Variants in BRAP observed in about 807,000 individuals in gnomAD.
BRAP encodes BRCA1-associated protein.
Under a neutral mutation model 73.4 loss-of-function variants are expected in BRAP, and 42 were observed. The observed-to-expected ratio is 0.57, with a 90% CI of 0.45 to 0.74. The LOEUF is 0.74. Ranked by LOEUF, BRAP falls within the 30% of genes least tolerant of loss-of-function variation. The probability of loss-of-function intolerance (pLI) is 0.00; values close to 1 mark genes in which losing one functional copy is unlikely to be tolerated. For missense variants in BRAP, 593 were observed against 751.4 expected (o/e 0.79, Z 2.46); for synonymous variants, 255 against 267.4 (o/e 0.95, Z 0.45).
At chr12:111,667,706 A>AAAAAAAAAAAAAAAAAAAAAC (rs1381256040) in intron 5 of BRAP, among the ~76,000 whole-genome samples, 1 of 142,102 alleles carries the variant, frequency 7.0e-6, no homozygotes, top group African/African-American at 2.9e-5. Context: ...CTCAAAAAAA[A>AAAAAAAAAAAAAAAAAAAAAC]AAAAAAAAAA....
At chr12:111,662,518 C>A (rs1481521515) in intron 6 of BRAP, among the ~76,000 whole-genome samples, 2 of 151,882 alleles carry the variant, frequency 1.3e-5, no homozygotes, top group African/African-American at 4.8e-5. Flanking sequence ...CCATTGCACT[C>A]CAGCCTGGGC....
rs776416851 is a variant in BRAP, at chr12:111,658,697, G to A, written c.1221+39C>T. The A allele has an allele frequency of 3.6e-6, 5 of 1,372,574 alleles. No individual in the cohort carries two copies. The Admixed American group carries it at 5.7e-5, about 16-fold the overall frequency. 85.0% of individuals were successfully genotyped at this position (1,372,574 alleles called of 1,614,324 possible). Reference sequence around the variant, plus strand: ...TTTCAAATTAGAATAGTAAAGAGCAGTAGAAACAGATAGAGTGATAACTCA... The same window carrying A: ...TTTCAAATTAGAATAGTAAAGAGCAATAGAAACAGATAGAGTGATAACTCA... On this transcript the variant is annotated intron_variant, in intron 9 of 11. Coordinates refer to ENST00000419234, the MANE Select transcript of BRAP (RefSeq NM_006768.5).
intron 10 of BRAP, 25 bp from the exon 11 acceptor site, chr12:111,650,067 T>C: frequency 2.7e-6 from 4 of 1,497,294 alleles, no homozygotes; most frequent in Non-Finnish European, 3.7e-6. Context: ...AGAAATCAGA[T>C]TCATTTCACA....
intron 3 of BRAP, among the ~76,000 whole-genome samples, chr12:111,680,650 C>G (rs1193681690): frequency 1.3e-5 from 2 of 151,822 alleles, no homozygotes; most frequent in African/African-American, 4.8e-5. Context: ...CAGGATTGCA[C>G]CACTGCACTC....
intron 5 of BRAP, among the ~76,000 whole-genome samples, chr12:111,667,302 G>C (rs961463324): frequency 6.6e-6 from 1 of 152,152 alleles, no homozygotes; most frequent in African/African-American, 2.4e-5. Context: ...AAAACAGTCT[G>C]AAGCTGCCTC....
At position 111,685,694 on chromosome 12, in the gene BRAP, G is replaced by C. The variant is rs1322305465; in HGVS notation, c.82+17C>G. The C allele has an allele frequency of 3.1e-6, 5 of 1,597,704 alleles. No individual in the cohort carries two copies. Among genetic ancestry groups the C allele is most frequent in the East Asian group, 4.5e-5 (2 of 44,178 alleles). ...CAGACCCGGCTACAGGGAATGCGGC[G>C]AGGCCGCGGGACTCACCCGCGGCGC... On this transcript the variant is annotated intron_variant, in intron 1 of 11. Transcript: ENST00000419234.
At position 111,665,027 on chromosome 12, in the gene BRAP, C is replaced by T. The variant is rs1224803017; in HGVS notation, c.896+612G>A. On this transcript the variant is annotated intron_variant, in intron 6 of 11. Transcript: ENST00000419234. This position sits in a 1 kb window ranked among gnomAD's most constrained non-coding sequence, Gnocchi z 4.3. ...ATCCAGAAGGCCAGCATCTGATACA[C>T]CTTTCTGGTTAAGTCCCACAGTGCA... Among the ~76,000 whole-genome samples, 2 of 152,184 alleles carry T rather than the reference C, an allele frequency of 1.3e-5. No individual in the cohort carries two copies. Among genetic ancestry groups the T allele is most frequent in the East Asian group, 3.8e-4 (2 of 5,202 alleles).
At chr12:111,671,243 C>A (rs1457601090) in intron 5 of BRAP, among the ~76,000 whole-genome samples, 1 of 152,050 alleles carries the variant, frequency 6.6e-6, no homozygotes, top group Non-Finnish European at 1.5e-5. Context: ...AGAGCCATCA[C>A]AAATTGCTAT....
In BRAP at chr12:111,644,018, C is replaced by T; in HGVS notation, c.*181G>A. 1 of 970,624 alleles carries T rather than the reference C, an allele frequency of 1.0e-6. No homozygotes were observed. Among genetic ancestry groups the T allele is most frequent in the South Asian group, 1.9e-5 (1 of 53,698 alleles). 60.1% of individuals were successfully genotyped at this position (970,624 alleles called of 1,614,324 possible). On this transcript the variant is annotated 3_prime_UTR_variant, in exon 12 of 12. Coordinates refer to ENST00000419234, the MANE Select transcript of BRAP (RefSeq NM_006768.5). ...TTCGAACGCAGCGCCTTTCTATCAG[C>T]TCTCCAGTCAGCACCCTTTACATTC... is the stretch of plus-strand genomic sequence containing the variant.
Position 111,665,540 on chromosome 12 carries a change from T to A in BRAP, c.896+99A>T. On this transcript the variant is annotated intron_variant, in intron 6 of 11. Coordinates refer to ENST00000419234, the MANE Select transcript of BRAP (RefSeq NM_006768.5). The surrounding 1 kb of genome is among the most constrained non-coding windows in gnomAD (Gnocchi z 4.3). ...GAGAAAAAGGACCTCTTGAATAAAG[T>A]CAAATACTTGGAATGGTTCATTTCT... 1 of 1,496,598 alleles carries A rather than the reference T, an allele frequency of 6.7e-7. No homozygotes were observed. Among genetic ancestry groups the A allele is most frequent in the Non-Finnish European group, 9.1e-7 (1 of 1,103,062 alleles). The allele number at this position is 1,496,598 out of a possible 1,614,324, so 92.7% of individuals were successfully genotyped here.
In BRAP at chr12:111,684,280, T is replaced by G. The variant is rs138306306; in HGVS notation, c.83-973A>C. ...AATAAATGACTACATGACTGACCCATGCAGATGTCTATATGCGGCTAATAT... is the reference window on the plus strand; with the variant it reads ...AATAAATGACTACATGACTGACCCAGGCAGATGTCTATATGCGGCTAATAT... On this transcript the variant is annotated intron_variant, in intron 1 of 11. Transcript: ENST00000419234. Among the ~76,000 whole-genome samples the G allele has an allele frequency of 4.3e-4, 66 of 152,322 alleles. 1 individual carries two copies. Among genetic ancestry groups the G allele is most frequent in the Middle Eastern group, 3.4e-3 (1 of 294 alleles).
intron 1 of BRAP, chr12:111,685,448 A>C: frequency 1.3e-3 from 712 of 566,644 alleles, no homozygotes; most frequent in Non-Finnish European, 1.6e-3. Flanking sequence ...CCACTCGACT[A>C]TCTCGAGAGG....
At chr12:111,644,711 C>A in intron 11 of BRAP, 149 bp from the exon 12 acceptor site, 1 of 1,273,362 alleles carries the variant, frequency 7.9e-7, no homozygotes, top group Non-Finnish European at 1.1e-6. Context: ...TGGTTTTCTG[C>A]CATCGCAATC....
chr12:111,655,517 T>C (rs760452197), intron 10 of BRAP, 49 bp downstream of exon 10: 1 of 1,460,508 alleles, frequency 6.8e-7, no homozygotes, highest in South Asian at 1.1e-5. Context: ...CCCATCAGAG[T>C]GCCCTGCCAT....
chr12:111,667,778 A>C (rs191153897), intron 5 of BRAP, among the ~76,000 whole-genome samples: 1 of 151,592 alleles, frequency 6.6e-6, no homozygotes. Context: ...CAAATCTCAC[A>C]AAGTATATGT....
rs1887228426 is a variant in BRAP, at chr12:111,672,754, A to G, written c.654T>C (p.Tyr218=). 1 of 1,614,124 alleles carries G rather than the reference A, an allele frequency of 6.2e-7. No individual in the cohort carries two copies. Among genetic ancestry groups the G allele is most frequent in the South Asian group, 1.1e-5 (1 of 91,076 alleles). Residue 218 remains tyrosine (Y), a synonymous_variant, in exon 5 of 12, where the codon TAT becomes TAC. Coordinates refer to ENST00000419234, the MANE Select transcript of BRAP (RefSeq NM_006768.5). ...FRAQADADSF[Y]MTCNGRQFNS... is the part of the protein sequence containing the mutation. ...TGAACTGGCGGCCATTGCATGTCAT[A>G]TAAAAACTATCCGCATCAGCCTATG...
chr12:111,660,796 C>G, intron 6 of BRAP, 121 bp from the exon 7 acceptor site: 1 of 629,594 alleles, frequency 1.6e-6, no homozygotes, highest in Non-Finnish European at 2.6e-6. Flanking sequence ...TTTATCATAA[C>G]TAAGGATATC....
At chr12:111,662,363 C>CA (rs989623425) in intron 6 of BRAP, among the ~76,000 whole-genome samples, 2 of 151,974 alleles carry the variant, frequency 1.3e-5, no homozygotes, top group Non-Finnish European at 2.9e-5. Flanking sequence ...CCAGCTTGAC[C>CA]AATATGGAGA....
chr12:111,658,411 T>TTCCCGGGTTCAAGCGATTCTCC (rs1886612732), intron 9 of BRAP, among the ~76,000 whole-genome samples: 1 of 151,622 alleles, frequency 6.6e-6, no homozygotes, highest in African/African-American at 2.4e-5. Context: ...AGCGATTCTC[T>TTCCCGGGTTCAAGCGATTCTCC]GCTTCCCGGG....
Sources: gnomAD v4.1 joint callset for allele counts (sites outside exome capture counted in the v4.1 genomes callset) on GRCh38, gnomAD v4.1.1 for gene constraint, Gnocchi (gnomAD v3.1) non-coding constraint, MANE v1.5 for transcripts, NCBI Gene and HGNC (gene_info 2026-07-23, HGNC 2026-07-21) for gene names.